Variants in GRIN3A observed in about 807,000 individuals in gnomAD.
GRIN3A encodes glutamate ionotropic receptor NMDA type subunit 3A.
GRIN3A carries 47 observed loss-of-function variants against 92.4 expected under a neutral mutation model. That is an observed-to-expected ratio of 0.51 (90% CI 0.40 to 0.65). The LOEUF (loss-of-function observed/expected upper bound fraction) is 0.65, where lower values mean the gene tolerates loss of function less well. GRIN3A is among the 30% of genes least tolerant of loss of function. The pLI is 0.00. For synonymous variants in GRIN3A, 527 were observed against 540.6 expected (o/e 0.97, Z 0.35); for missense variants, 1,324 against 1,393.1 (o/e 0.95, Z 0.79).
In GRIN3A at chr9:101,577,862, T is replaced by C; in HGVS notation, c.2932-18A>G. 1.9e-6 allele frequency: 3 copies of C among 1,571,232 alleles called. No homozygotes were observed. Among genetic ancestry groups the C allele is most frequent in the Non-Finnish European group, 1.7e-6 (2 of 1,143,224 alleles). On this transcript the variant is annotated intron_variant, in intron 7 of 8. Coordinates refer to ENST00000361820, the MANE Select transcript of GRIN3A (RefSeq NM_133445.3). ...TGTAATCTCTGATGGAGAAAACAGA[T>C]TCACAGGTAGAAATTATGAGAAACA...
intron 6 of GRIN3A, among the ~76,000 whole-genome samples, chr9:101,595,899 G>A (rs563100816): frequency 4.6e-5 from 7 of 152,298 alleles, no homozygotes; most frequent in East Asian, 1.9e-4. Context: ...AGTGACAGTC[G>A]CCTCTGGATG....
At chr9:101,675,854 A>G (rs1829388609) in intron 2 of GRIN3A, among the ~76,000 whole-genome samples, 1 of 151,948 alleles carries the variant, frequency 6.6e-6, no homozygotes, top group South Asian at 2.1e-4. Context: ...TAATACATTG[A>G]TTATCTTAAT....
At chr9:101,599,240 T>A (rs1432340365) in intron 6 of GRIN3A, among the ~76,000 whole-genome samples, 1 of 152,142 alleles carries the variant, frequency 6.6e-6, no homozygotes, top group East Asian at 1.9e-4. Flanking sequence ...ATGTAAGAGG[T>A]GAAATCTTGT....
rs1040387137 is a variant in GRIN3A, at chr9:101,571,198, A to T, written c.*1976T>A. On this transcript the variant is annotated 3_prime_UTR_variant, in exon 9 of 9. Transcript: ENST00000361820. ...GGGCTCACCTGTTTCCTCATTATTGAACTGTTTCATCTGTGGAGTTGGTGA... is the reference window on the plus strand; with the variant it reads ...GGGCTCACCTGTTTCCTCATTATTGTACTGTTTCATCTGTGGAGTTGGTGA... The T allele has an allele frequency of 1.3e-5, 2 of 152,160 alleles. No homozygotes were observed. The highest frequency in any genetic ancestry group is 4.8e-5 in the African/African-American group (2 of 41,436). The allele number at this position is 152,160 out of a possible 1,614,324, so 9.4% of individuals were successfully genotyped here.
chr9:101,602,735 C>T (rs1192964283), intron 6 of GRIN3A, among the ~76,000 whole-genome samples: 1 of 152,136 alleles, frequency 6.6e-6, no homozygotes, highest in African/African-American at 2.4e-5. Flanking sequence ...TGGTCGTTAG[C>T]AAGGGTGAAG....
At chr9:101,653,217 C>G (rs567489518) in intron 3 of GRIN3A, among the ~76,000 whole-genome samples, 1 of 152,032 alleles carries the variant, frequency 6.6e-6, no homozygotes, top group Non-Finnish European at 1.5e-5. Flanking sequence ...TTGCCAAGGA[C>G]TAGCTTCCTT....
At position 101,686,701 on chromosome 9, in the gene GRIN3A, A is replaced by G. The variant is rs779679486; in HGVS notation, c.1199T>C (p.Val400Ala). 3.1e-6 allele frequency: 5 copies of G among 1,614,050 alleles called. No homozygotes were observed. The East Asian group carries it at 6.7e-5, about 22-fold the overall frequency. Residue 400 changes from valine to alanine, a missense_variant, in exon 2 of 9, where the codon GTA (valine) becomes GCA (alanine). Coordinates refer to ENST00000361820, the MANE Select transcript of GRIN3A (RefSeq NM_133445.3). Reference protein sequence around the residue: ...QDAMELVARAVATATMIQPEL... With the variant: ...QDAMELVARAAATATMIQPEL... ...TGGTTGGATCATGGTGGCTGTGGCT[A>G]CAGCTCTTGCGACCAGCTCCATAGC...
At chr9:101,596,923 G>A (rs1588241960) in intron 6 of GRIN3A, among the ~76,000 whole-genome samples, 1 of 152,166 alleles carries the variant, frequency 6.6e-6, no homozygotes, top group Middle Eastern at 3.2e-3. Flanking sequence ...ATGATTGAGA[G>A]CTTCAAGATG....
intron 3 of GRIN3A, among the ~76,000 whole-genome samples, chr9:101,647,456 C>A (rs765468588): frequency 6.6e-6 from 1 of 150,624 alleles, no homozygotes; most frequent in Non-Finnish European, 1.5e-5. Context: ...CTGTAATTTT[C>A]GCCTTTTTTT....
chr9:101,633,405 C>A (rs956201482), intron 3 of GRIN3A, among the ~76,000 whole-genome samples: 1 of 152,146 alleles, frequency 6.6e-6, no homozygotes, highest in Non-Finnish European at 1.5e-5. Context: ...CCTGTGGATG[C>A]TATAGTATCA....
At chr9:101,695,315 A>G (rs1046310891) in intron 1 of GRIN3A, among the ~76,000 whole-genome samples, 4 of 152,300 alleles carry the variant, frequency 2.6e-5, no homozygotes, top group Admixed American at 1.3e-4. Context: ...AAAATAATCA[A>G]TACGGTCTTT....
At chr9:101,695,576 G>T (rs575923986) in intron 1 of GRIN3A, among the ~76,000 whole-genome samples, 61 of 152,158 alleles carry the variant, frequency 4.0e-4, no homozygotes, top group Non-Finnish European at 6.9e-4. Flanking sequence ...GACCATAGAT[G>T]AGTGGAAAGA....
Position 101,573,279 on chromosome 9 carries a change from C to A in GRIN3A, c.3243G>T (p.Glu1081Asp), listed in dbSNP as rs771191848. ...GGATCACCTGAATCTGCTTCTCGAG[C>A]TCTGAGAGTTCCTGCATCACTGAGT... ...SRNSVMQELS[E>D]LEKQIQVIRQ... Residue 1081 changes from glutamate to aspartate, a missense_variant, in exon 9 of 9, where the codon GAG (glutamate) becomes GAT (aspartate). Coordinates refer to ENST00000361820, the MANE Select transcript of GRIN3A (RefSeq NM_133445.3). The A allele has an allele frequency of 1.5e-5, 25 of 1,614,052 alleles. No individual in the cohort carries two copies. The South Asian group carries it at 2.7e-4, about 18-fold the overall frequency.
At chr9:101,709,777 G>A (rs1252764922) in intron 1 of GRIN3A, among the ~76,000 whole-genome samples, 1 of 152,068 alleles carries the variant, frequency 6.6e-6, no homozygotes, top group African/African-American at 2.4e-5. Flanking sequence ...TATTACACAA[G>A]TACAAAAATG....
At chr9:101,579,131 G>T in intron 7 of GRIN3A, 65 bp downstream of exon 7, 1 of 1,540,156 alleles carries the variant, frequency 6.5e-7, no homozygotes, top group Non-Finnish European at 9.0e-7. Flanking sequence ...TAGGGCTCTG[G>T]ATCCTCCCAT....
intron 6 of GRIN3A, chr9:101,595,116 AAAG>A: frequency 3.2e-6 from 2 of 617,888 alleles, no homozygotes; most frequent in South Asian, 2.0e-5. Flanking sequence ...GAGAGGAGGG[AAAG>A]AAGGAGGGAA....
chr9:101,721,733 C>T (rs764307872), intron 1 of GRIN3A, among the ~76,000 whole-genome samples: 1 of 152,182 alleles, frequency 6.6e-6, no homozygotes, highest in Non-Finnish European at 1.5e-5. Context: ...CATTTTACCC[C>T]TGCCCTAGAG....
At chr9:101,676,843 T>A (rs919978051) in intron 2 of GRIN3A, among the ~76,000 whole-genome samples, 1 of 149,658 alleles carries the variant, frequency 6.7e-6, no homozygotes, top group Non-Finnish European at 1.5e-5. Context: ...AAAGGAATAT[T>A]CTTAAACCTT....
chr9:101,581,210 C>T (rs1827882890), intron 6 of GRIN3A, among the ~76,000 whole-genome samples: 1 of 152,050 alleles, frequency 6.6e-6, no homozygotes. Context: ...CATGAGATAA[C>T]ATTTGAATAA....
Sources: gnomAD v4.1 joint callset for allele counts (sites outside exome capture counted in the v4.1 genomes callset) on GRCh38, gnomAD v4.1.1 for gene constraint, MANE v1.5 for transcripts, NCBI Gene and HGNC (gene_info 2026-07-23, HGNC 2026-07-21) for gene names.